Variants in NUP155 observed in about 807,000 individuals in gnomAD.
NUP155 encodes nuclear pore complex protein Nup155.
A neutral mutation model predicts 180.4 loss-of-function variants in NUP155; 71 were observed. That is an observed-to-expected ratio of 0.39 (90% confidence interval 0.33 to 0.48). NUP155 has a LOEUF of 0.48. Among genes scored for constraint, NUP155 ranks in the 20% least tolerant of loss-of-function variants. The pLI is 0.91. For synonymous variants in NUP155, 582 were observed against 559.5 expected (o/e 1.04, Z -0.57); for missense variants, 1,553 against 1,648.9 (o/e 0.94, Z 1.01).
intron 3 of NUP155, 27 bp from the exon 4 acceptor site, chr5:37,358,178 TAC>T (rs781435905): frequency 6.5e-7 from 1 of 1,536,382 alleles, no homozygotes; most frequent in Non-Finnish European, 9.0e-7. Context: ...AAAAACATGT[TAC>T]ACATATAAAG....
rs772794882 is a variant in NUP155 at position 37,352,786 on chromosome 5, G to A, written c.507C>T (p.Thr169=). The change falls in exon 5 of 35, where the codon ACC becomes ACT. Residue 169 remains threonine (T), a synonymous_variant. Coordinates refer to ENST00000231498, the MANE Select transcript of NUP155 (RefSeq NM_153485.3). ...GTCCAAGAATTACTATGTCTACAGG[G>A]GTCGCCAAAACCAGGAGGTGTCGCA... is the stretch of plus-strand genomic sequence containing the variant. ...PHVRHLLVLA[T]PVDIVILGLS... The A allele has an allele frequency of 1.2e-6, 2 of 1,613,552 alleles. No homozygotes were observed. The highest frequency in any genetic ancestry group is 1.7e-5 in the Admixed American group (1 of 59,946).
At chr5:37,330,010 T>C (rs373573040) in intron 15 of NUP155, 28 bp downstream of exon 15, 29 of 1,510,868 alleles carry the variant, frequency 1.9e-5, no homozygotes, top group Non-Finnish European at 2.5e-5. Flanking sequence ...AAAAAACAAA[T>C]AAATAAACAA....
intron 1 of NUP155, among the ~76,000 whole-genome samples, chr5:37,370,468 C>T (rs1446534923): frequency 6.6e-6 from 1 of 152,202 alleles, no homozygotes; most frequent in Non-Finnish European, 1.5e-5. Context: ...TCTACTCAAA[C>T]ACTAACAGGA....
chr5:37,318,243 GAC>G (rs1424456524), intron 20 of NUP155, among the ~76,000 whole-genome samples, 158 bp from the exon 21 acceptor site: 1 of 152,016 alleles, frequency 6.6e-6, no homozygotes, highest in Non-Finnish European at 1.5e-5. Flanking sequence ...AAAAATTTAT[GAC>G]ACAGACTAAA....
At chr5:37,321,731 AAT>A (rs765302490) in intron 20 of NUP155, among the ~76,000 whole-genome samples, 8 of 151,232 alleles carry the variant, frequency 5.3e-5, no homozygotes, top group Middle Eastern at 3.4e-3. Context: ...GGGGCAGGGG[AAT>A]ATATATATAT....
At chr5:37,367,805 A>G (rs1747696696) in intron 1 of NUP155, among the ~76,000 whole-genome samples, 1 of 151,212 alleles carries the variant, frequency 6.6e-6, no homozygotes, top group African/African-American at 2.4e-5. Context: ...TTCTTTTGAG[A>G]AAGAGTCTCC....
rs182207595 is a variant in NUP155 at position 37,355,223 on chromosome 5, C to T, written c.464-2394G>A. ...TATTATTTCCTCCTATAAAAAGGTA[C>T]ATTTGGCTGCACAGTGGCTCACATC... On this transcript the variant is annotated intron_variant, in intron 4 of 34. Coordinates refer to ENST00000231498, the MANE Select transcript of NUP155 (RefSeq NM_153485.3). Among the ~76,000 whole-genome samples, 7 of 152,074 alleles carry T rather than the reference C, an allele frequency of 4.6e-5. No individual in the cohort carries two copies. The East Asian group carries it at 1.4e-3, about 30-fold the overall frequency.
chr5:37,303,414 C>G lies in NUP155; in HGVS notation c.3163G>C (p.Val1055Leu), dbSNP rs200263549. The G allele has an allele frequency of 1.2e-6, 2 of 1,613,512 alleles. No homozygotes were observed. Among genetic ancestry groups the G allele is most frequent in the African/African-American group, 2.7e-5 (2 of 74,878 alleles). The change falls in exon 28 of 35, where the codon GTT (valine) becomes CTT (leucine). Residue 1055 changes from valine (V) to leucine (L), a missense_variant and splice_region_variant. Physicochemically the swap from Val to Leu is conservative, Grantham distance 32. Transcript: ENST00000231498. ...TGTGGCTCCAGAAATGGAGAAGCAA[C>G]CTAGAAATTATATAGTTATTCAGAA... ...QVDLADKLLQ[V>L]ASPFLEPHLV...
intron 9 of NUP155, among the ~76,000 whole-genome samples, chr5:37,343,337 G>A (rs1050345335): frequency 1.3e-5 from 2 of 152,288 alleles, no homozygotes; most frequent in Non-Finnish European, 2.9e-5. Context: ...GCCTCCCAAA[G>A]TGCTGGCATT....
intron 1 of NUP155, among the ~76,000 whole-genome samples, chr5:37,365,752 T>TAAATACAC: frequency 2.6e-5 from 1 of 37,890 alleles, no homozygotes; most frequent in South Asian, 1.4e-3. Context: ...TATATATATA[T>TAAATACAC]ACACACACAC....
chr5:37,299,561 C>G lies in NUP155; in HGVS notation c.3569G>C (p.Gly1190Ala). ...AAGTTTAAATGGGTCAGCAAATTCC[C>G]CATAAAGCTGTGAGAGAAAATCCCA... ...SELMDITKLY[G>A]EFADPFKLAE... The change falls in exon 31 of 35, where the codon GGG becomes GCG. Residue 1190 changes from glycine (G) to alanine (A), a missense_variant. By Grantham distance (60) the Gly-to-Ala change is moderately conservative. Transcript: ENST00000231498. The G allele has an allele frequency of 6.2e-7, 1 of 1,613,896 alleles. No individual in the cohort carries two copies. The highest frequency in any genetic ancestry group is 8.5e-7 in the Non-Finnish European group (1 of 1,179,940).
chr5:37,299,099 G>A (rs1742733146), intron 31 of NUP155, 121 bp from the exon 32 acceptor site: 2 of 717,324 alleles, frequency 2.8e-6, no homozygotes, highest in Non-Finnish European at 5.0e-6. Context: ...ACATTAATAT[G>A]ATTAACAGAT....
intron 4 of NUP155, among the ~76,000 whole-genome samples, chr5:37,355,739 C>T (rs1011055717): frequency 2.6e-5 from 4 of 151,650 alleles, no homozygotes; most frequent in African/African-American, 9.7e-5. Context: ...CCACCAAGCC[C>T]AGCTAATTTT....
chr5:37,364,614 A>G (rs905285379), intron 1 of NUP155, among the ~76,000 whole-genome samples: 3 of 146,428 alleles, frequency 2.0e-5, no homozygotes, highest in Non-Finnish European at 4.5e-5. Context: ...CTTGCTCTGT[A>G]ACAAAGGAAA....
At chr5:37,363,332 T>C (rs1747342488) in intron 3 of NUP155, among the ~76,000 whole-genome samples, 1 of 152,182 alleles carries the variant, frequency 6.6e-6, no homozygotes, top group South Asian at 2.1e-4. Context: ...CATCTAAGGA[T>C]AATGTAATGG....
At chr5:37,333,308 T>G (rs1406154272) in intron 13 of NUP155, among the ~76,000 whole-genome samples, 155 bp downstream of exon 13, 1 of 151,260 alleles carries the variant, frequency 6.6e-6, no homozygotes, top group Admixed American at 6.6e-5. Context: ...TGAGCTGAGA[T>G]CACACCACTG....
intron 20 of NUP155, among the ~76,000 whole-genome samples, chr5:37,319,353 T>A (rs1001935744): frequency 2.4e-4 from 37 of 152,122 alleles, no homozygotes; most frequent in African/African-American, 8.2e-4. Flanking sequence ...GTAAAGTAGA[T>A]CTCAAAAATC....
At chr5:37,296,426 A>G (rs1742575065) in intron 32 of NUP155, among the ~76,000 whole-genome samples, 1 of 152,026 alleles carries the variant, frequency 6.6e-6, no homozygotes. Context: ...TCAGGGTTAA[A>G]TGGATTAAGG....
intron 21 of NUP155, among the ~76,000 whole-genome samples, chr5:37,317,718 C>T (rs1471618695): frequency 1.2e-4 from 15 of 130,078 alleles, no homozygotes; most frequent in Non-Finnish European, 2.4e-4. Context: ...GGCAGGTTCT[C>T]ACTCTGTCAC....
Sources: gnomAD v4.1 joint callset for allele counts (sites outside exome capture counted in the v4.1 genomes callset) on GRCh38, gnomAD v4.1.1 for gene constraint, MANE v1.5 for transcripts, NCBI Gene and HGNC (gene_info 2026-07-23, HGNC 2026-07-21) for gene names.